The following ADAMTS2 variants were observed in gnomAD, a reference collection of about 807,000 sequenced individuals.
ADAMTS2 encodes ADAM metallopeptidase with thrombospondin type 1 motif 2.
A neutral mutation model predicts 123.0 loss-of-function variants in ADAMTS2; 50 were observed. That is an observed-to-expected ratio of 0.41 (90% CI 0.32 to 0.51). The LOEUF (loss-of-function observed/expected upper bound fraction) is 0.51. ADAMTS2 is among the 20% of genes least tolerant of loss of function. The pLI, the probability that ADAMTS2 is intolerant of heterozygous loss-of-function variation, is 0.35. For synonymous variants in ADAMTS2, 678 were observed against 695.4 expected, an observed-to-expected ratio of 0.98 and a Z score of 0.39; for missense variants, 1,494 against 1,705.2, an observed-to-expected ratio of 0.88 and a Z score of 2.18.
Position 179,312,983 on chromosome 5 carries a change from G to C in ADAMTS2, c.534+30784C>G, listed in dbSNP as rs1224915722. ...AAGTGGTGAGAGAATTATGGTAGAAGAATGGGGCTGGGAGGGGCAGCAGTG... is the reference window on the plus strand; with the variant it reads ...AAGTGGTGAGAGAATTATGGTAGAACAATGGGGCTGGGAGGGGCAGCAGTG... On this transcript the variant is annotated intron_variant, in intron 2 of 21. Transcript: ENST00000251582. The surrounding 1 kb of genome is among the most constrained non-coding windows in gnomAD (Gnocchi z 4.2). 2.0e-5 allele frequency among the ~76,000 whole-genome samples: 3 copies of C among 152,254 alleles called. No homozygotes were observed. The highest frequency in any genetic ancestry group is 7.2e-5 in the African/African-American group (3 of 41,474).
chr5:179,335,013 T>C (rs1048872845), intron 2 of ADAMTS2, among the ~76,000 whole-genome samples: 1 of 152,208 alleles, frequency 6.6e-6, no homozygotes, highest in Admixed American at 6.5e-5. Context: ...CTAAGTTTAA[T>C]TTACTATCAA....
At chr5:179,338,551 A>G (rs1757684335) in intron 2 of ADAMTS2, among the ~76,000 whole-genome samples, 1 of 152,118 alleles carries the variant, frequency 6.6e-6, no homozygotes, top group Admixed American at 6.5e-5. Flanking sequence ...CCTGAGGGGA[A>G]CGCTGGAGTT....
chr5:179,235,180 C>T (rs1765496690), intron 3 of ADAMTS2, among the ~76,000 whole-genome samples: 1 of 152,226 alleles, frequency 6.6e-6, no homozygotes, highest in African/African-American at 2.4e-5. Flanking sequence ...ACTGATCATG[C>T]AGAAGTATAA....
intron 2 of ADAMTS2, among the ~76,000 whole-genome samples, chr5:179,290,759 C>T (rs373267382): frequency 1.6e-4 from 24 of 152,316 alleles, no homozygotes; most frequent in East Asian, 1.5e-3. Context: ...GGAGTGGAGG[C>T]GCCCACTGCA....
At chr5:179,341,541 A>C (rs1308406721) in intron 2 of ADAMTS2, among the ~76,000 whole-genome samples, 1 of 145,698 alleles carries the variant, frequency 6.9e-6, no homozygotes, top group African/African-American at 2.5e-5. Context: ...TCTACTAAAA[A>C]TTAAAAAAAA....
chr5:179,256,502 A>G lies in ADAMTS2; in HGVS notation c.688+16409T>C, dbSNP rs932351314. ...AGATGTGGATGTGTCTGCTCTGACC[A>G]TGGGTGTGTGCATGCCTGCGTGTGT... On this transcript the variant is annotated intron_variant, in intron 3 of 21. Coordinates refer to ENST00000251582, the MANE Select transcript of ADAMTS2 (RefSeq NM_014244.5). The surrounding 1 kb of genome is among the most constrained non-coding windows in gnomAD (Gnocchi z 4.1). 6.6e-6 allele frequency among the ~76,000 whole-genome samples: 1 copy of G among 150,532 alleles called. No homozygotes were observed. The highest frequency in any genetic ancestry group is 1.5e-5 in the Non-Finnish European group (1 of 67,450).
intron 4 of ADAMTS2, among the ~76,000 whole-genome samples, chr5:179,184,560 C>T (rs999399252): frequency 6.6e-5 from 10 of 151,214 alleles, no homozygotes; most frequent in Non-Finnish European, 2.9e-5. Context: ...TTTTTCCCCA[C>T]GTTTGAGCCT....
intron 3 of ADAMTS2, among the ~76,000 whole-genome samples, chr5:179,257,825 C>A (rs113021365): frequency 0.015 from 2,263 of 152,336 alleles, 26 homozygotes; most frequent in Non-Finnish European, 0.025. Flanking sequence ...CCATCCCGGC[C>A]ACTGCCCCGG....
chr5:179,341,247 C>A (rs1400005302), intron 2 of ADAMTS2: 1 of 267,830 alleles, frequency 3.7e-6, no homozygotes, highest in Non-Finnish European at 7.5e-6. Flanking sequence ...AGAGGCCGGG[C>A]GCGGTGGCTG....
intron 2 of ADAMTS2, among the ~76,000 whole-genome samples, chr5:179,299,089 AAG>A (rs1412273029): frequency 6.6e-6 from 1 of 152,062 alleles, no homozygotes; most frequent in Non-Finnish European, 1.5e-5. Context: ...AAGAGGGCAG[AAG>A]AGAGAGCAAC....
chr5:179,241,132 C>T (rs1765658895), intron 3 of ADAMTS2, among the ~76,000 whole-genome samples: 1 of 152,212 alleles, frequency 6.6e-6, no homozygotes, highest in African/African-American at 2.4e-5. Flanking sequence ...TGATTCAAGA[C>T]TACAAAGAAA....
intron 2 of ADAMTS2, among the ~76,000 whole-genome samples, chr5:179,275,885 G>A (rs536256628): frequency 1.3e-5 from 2 of 152,334 alleles, no homozygotes; most frequent in South Asian, 4.1e-4. Flanking sequence ...CGGCAAAGTG[G>A]GTGCCATTCT....
At chr5:179,240,183 C>CA (rs888833686) in intron 3 of ADAMTS2, among the ~76,000 whole-genome samples, 1 of 149,308 alleles carries the variant, frequency 6.7e-6, no homozygotes, top group Non-Finnish European at 1.5e-5. Context: ...TGGAAGGAGG[C>CA]AAACAGACTG....
chr5:179,154,289 A>C, intron 7 of ADAMTS2, 97 bp from the exon 8 acceptor site: 3 of 1,501,130 alleles, frequency 2.0e-6, no homozygotes, highest in African/African-American at 1.4e-5. Flanking sequence ...TCTTTCCCCA[A>C]CGGGCCTCCT....
At chr5:179,253,595 G>A (rs536830554) in intron 3 of ADAMTS2, among the ~76,000 whole-genome samples, 6 of 151,466 alleles carry the variant, frequency 4.0e-5, no homozygotes, top group Non-Finnish European at 8.8e-5. Context: ...GCAGTGAGCC[G>A]AGATCGAGCC....
chr5:179,138,519 C>T (rs1306830044), intron 11 of ADAMTS2, among the ~76,000 whole-genome samples: 2 of 152,238 alleles, frequency 1.3e-5, no homozygotes, highest in East Asian at 1.9e-4. Flanking sequence ...GCAACGTCTT[C>T]GCTTCACTGG....
rs571385990 is a variant in ADAMTS2, at chr5:179,125,043, C to G, written c.2888G>C (p.Arg963Pro). The G allele has an allele frequency of 6.2e-7, 1 of 1,608,528 alleles. No homozygotes were observed. Among genetic ancestry groups the G allele is most frequent in the South Asian group, 1.1e-5 (1 of 90,448 alleles). ...SVHAKHCNDARPESRRACSRE... is the reference protein window; with the variant it reads ...SVHAKHCNDAPPESRRACSRE... The stretch of plus-strand genomic sequence containing the variant: ...GCTGCAGGCCCGGCGGCTCTCGGGC[C>G]GGGCGTCATTGCAGTGCTTGGCGTG... The change falls in exon 19 of 22, where the codon CGG (arginine) becomes CCG (proline). Residue 963 changes from arginine to proline, a missense_variant. By Grantham distance (103) the Arg-to-Pro change is moderately radical. Around this residue, in one of 6 missense-constraint regions of ADAMTS2, gnomAD observed 953 missense variants for 1,124.7 expected, o/e 0.85. Coordinates refer to ENST00000251582, the MANE Select transcript of ADAMTS2 (RefSeq NM_014244.5).
chr5:179,199,258 A>C (rs1346814207), intron 4 of ADAMTS2, among the ~76,000 whole-genome samples: 1 of 152,174 alleles, frequency 6.6e-6, no homozygotes, highest in Non-Finnish European at 1.5e-5. Flanking sequence ...GGGGCAATGC[A>C]GCATGGTCCC....
rs937077118 is a variant in ADAMTS2, at chr5:179,185,819, G to A, written c.892-4664C>T. On this transcript the variant is annotated intron_variant, in intron 4 of 21. Coordinates refer to ENST00000251582, the MANE Select transcript of ADAMTS2 (RefSeq NM_014244.5). This position sits in a 1 kb window ranked among gnomAD's most constrained non-coding sequence, Gnocchi z 5.9. ...TCCTGCGCTGGGTGCCCTGACCCTGGCCTCTGGAAGCCTCAGATGGTTCGG... is the reference window on the plus strand; with the variant it reads ...TCCTGCGCTGGGTGCCCTGACCCTGACCTCTGGAAGCCTCAGATGGTTCGG... Among the ~76,000 whole-genome samples, 4 of 152,010 alleles carry A rather than the reference G, an allele frequency of 2.6e-5. No homozygotes were observed. Among genetic ancestry groups the A allele is most frequent in the Non-Finnish European group, 4.4e-5 (3 of 67,994 alleles).
Sources: allele counts gnomAD v4.1 joint callset (sites outside exome capture counted in the v4.1 genomes callset), GRCh38; gene constraint gnomAD v4.1.1; regional missense constraint gnomAD v4.1.1; non-coding constraint Gnocchi (gnomAD v3.1); transcripts MANE v1.5; gene names NCBI Gene and HGNC (gene_info 2026-07-23, HGNC 2026-07-21).